CCDC175: variants seen among roughly 807,000 people sequenced by gnomAD.
The protein encoded by CCDC175 is coiled-coil domain containing 175, also known as coiled-coil domain-containing protein 175.
In CCDC175, 100 loss-of-function variants were observed where a neutral mutation model predicts 114.6. That is an observed-to-expected ratio of 0.87 (90% CI 0.74 to 1.03). CCDC175 has a LOEUF of 1.03. Ranked by LOEUF, CCDC175 falls within the 50% of genes least tolerant of loss-of-function variation. CCDC175 has a pLI of 0.00. For missense variants in CCDC175, 880 were observed against 917.8 expected (o/e 0.96, Z 0.53); for synonymous variants, 306 against 308.7 (o/e 0.99, Z 0.09).
At chr14:59,519,683 T>A (rs1206879826) in intron 17 of CCDC175, among the ~76,000 whole-genome samples, 1 of 152,254 alleles carries the variant, frequency 6.6e-6, no homozygotes, top group African/African-American at 2.4e-5. Flanking sequence ...GTATATTCCA[T>A]TCCACAAGTT....
intron 18 of CCDC175, 80 bp from the exon 19 acceptor site, chr14:59,510,888 C>CA (rs11305995): frequency 4.6e-4 from 535 of 1,170,084 alleles, no homozygotes; most frequent in African/African-American, 2.3e-3. Context: ...GGATCATGTC[C>CA]AAAAAAAAAT....
At chr14:59,512,818 G>A (rs1019046604) in intron 17 of CCDC175, among the ~76,000 whole-genome samples, 41 of 144,406 alleles carry the variant, frequency 2.8e-4, no homozygotes, top group African/African-American at 1.1e-3. Flanking sequence ...GTGTGTGTGT[G>A]TGTGTGTGTG....
At chr14:59,550,995 T>C (rs1357179381) in intron 8 of CCDC175, among the ~76,000 whole-genome samples, 1 of 152,186 alleles carries the variant, frequency 6.6e-6, no homozygotes, top group African/African-American at 2.4e-5. Flanking sequence ...TATTCTTAAG[T>C]GTAGAGCAGG....
chr14:59,542,736 C>T (rs1243330856), intron 10 of CCDC175, among the ~76,000 whole-genome samples: 1 of 151,926 alleles, frequency 6.6e-6, no homozygotes. Context: ...AAAGAATTCC[C>T]ATATATCCTT....
chr14:59,553,466 A>G (rs1045104603), intron 7 of CCDC175, among the ~76,000 whole-genome samples: 8 of 152,354 alleles, frequency 5.3e-5, no homozygotes, highest in African/African-American at 1.9e-4. Context: ...TGAAGGAAGC[A>G]CTAAACATGG....
intron 13 of CCDC175, among the ~76,000 whole-genome samples, chr14:59,532,135 G>A (rs929603427): frequency 4.6e-5 from 7 of 152,012 alleles, no homozygotes; most frequent in Non-Finnish European, 1.0e-4. Context: ...AGATTCAATT[G>A]GTTCTCTAAA....
intron 14 of CCDC175, among the ~76,000 whole-genome samples, chr14:59,528,507 T>G (rs538492386): frequency 1.3e-5 from 2 of 152,220 alleles, no homozygotes; most frequent in African/African-American, 4.8e-5. Flanking sequence ...TACTTCGTCA[T>G]ATATAGTAGA....
chr14:59,539,883 G>A (rs1595028152), intron 11 of CCDC175, among the ~76,000 whole-genome samples: 2 of 152,102 alleles, frequency 1.3e-5, no homozygotes, highest in African/African-American at 4.8e-5. Context: ...CTGGGCAATG[G>A]AGTGAGAGTC....
intron 17 of CCDC175, among the ~76,000 whole-genome samples, chr14:59,516,622 G>A (rs1270070260): frequency 3.9e-5 from 6 of 152,196 alleles, no homozygotes; most frequent in African/African-American, 1.2e-4. Context: ...AAACCAGGAA[G>A]AAGTTGAATC....
At position 59,510,652 on chromosome 14, in the gene CCDC175, G is replaced by A. The variant is rs1892686790; in HGVS notation, c.2299C>T (p.Leu767Phe). The A allele has an allele frequency of 6.5e-7, 1 of 1,536,934 alleles. No homozygotes were observed. Among genetic ancestry groups the A allele is most frequent in the Non-Finnish European group, 8.7e-7 (1 of 1,146,818 alleles). Residue 767 changes from leucine to phenylalanine, a missense_variant, in exon 19 of 20, where the codon CTT becomes TTT. By Grantham distance (22) the Leu-to-Phe change is conservative. Transcript: ENST00000537690. Reference sequence around the variant, plus strand: ...GCTCTAAGCTGTTGCTTACTAAGAAGGTCCATTGGTGATTCCTGTTCCACA... The same window carrying A: ...GCTCTAAGCTGTTGCTTACTAAGAAAGTCCATTGGTGATTCCTGTTCCACA... The part of the protein sequence containing the change: ...LLVEQESPMD[L>F]LKKKKHIRTR...
chr14:59,561,284 A>G (rs903007174), intron 6 of CCDC175, 56 bp from the exon 7 acceptor site: 1 of 904,180 alleles, frequency 1.1e-6, no homozygotes, highest in Non-Finnish European at 1.7e-6. Flanking sequence ...GATTCATAAC[A>G]GCAGTTCAAT....
At chr14:59,566,802 C>A (rs1236921904) in intron 4 of CCDC175, among the ~76,000 whole-genome samples, 1 of 152,162 alleles carries the variant, frequency 6.6e-6, no homozygotes, top group Non-Finnish European at 1.5e-5. Flanking sequence ...ATATTCATTT[C>A]TCTTTGAAAA....
chr14:59,551,198 G>A, intron 8 of CCDC175, 157 bp downstream of exon 8: 1 of 472,096 alleles, frequency 2.1e-6, no homozygotes, highest in Non-Finnish European at 3.7e-6. Flanking sequence ...AAAGTACTTT[G>A]GGAGGAGATA....
chr14:59,510,355 TAA>T, intron 19 of CCDC175: 1 of 277,306 alleles, frequency 3.6e-6, no homozygotes. Flanking sequence ...AAAAAATGTG[TAA>T]AAGAGTTTAA....
intron 13 of CCDC175, 103 bp downstream of exon 13, chr14:59,537,920 A>G: frequency 1.3e-6 from 1 of 751,342 alleles, no homozygotes; most frequent in East Asian, 3.3e-5. Context: ...TCATACTAGA[A>G]TATTTATTTT....
At position 59,511,800 on chromosome 14, in the gene CCDC175, T is replaced by C. The variant is rs1415181849; in HGVS notation, c.2102A>G (p.Gln701Arg). Residue 701 changes from glutamine to arginine, a missense_variant, in exon 18 of 20, where the codon CAA becomes CGA. Transcript: ENST00000537690. ...LSRQLIAQEA[Q>R]YKDLWAEFQT... ...AAATTCAGCCCACAAATCCTTATATTGTGCTAAAATAAAGATTTAAAAAAT... is the reference window on the plus strand; with the variant it reads ...AAATTCAGCCCACAAATCCTTATATCGTGCTAAAATAAAGATTTAAAAAAT... 3 of 1,533,370 alleles carry C rather than the reference T, an allele frequency of 2.0e-6. No individual in the cohort carries two copies. Among genetic ancestry groups the C allele is most frequent in the East Asian group, 4.9e-5 (2 of 40,888 alleles). 95.0% of individuals were successfully genotyped at this position (1,533,370 alleles called of 1,614,324 possible).
In CCDC175 at chr14:59,563,718, A is replaced by G; in HGVS notation, c.843+19T>C. ...GCCTAGATAAGGCTTAAAAATATAT[A>G]TAGTTTATTCTTTCTTACCGCTGCG... is the stretch of plus-strand genomic sequence containing the variant. On this transcript the variant is annotated intron_variant, in intron 6 of 19. Coordinates refer to ENST00000537690, the MANE Select transcript of CCDC175 (RefSeq NM_001164399.2). 2 of 1,350,498 alleles carry G rather than the reference A, an allele frequency of 1.5e-6. No homozygotes were observed. The highest frequency in any genetic ancestry group is 2.9e-5 in the East Asian group (1 of 34,436). The allele number at this position is 1,350,498 out of a possible 1,614,324, so 83.7% of individuals were successfully genotyped here. A position where few individuals can be genotyped will look rare whatever the true frequency, so the allele number is the denominator to read the frequency against.
intron 7 of CCDC175, among the ~76,000 whole-genome samples, chr14:59,557,736 A>G (rs1895998081): frequency 1.3e-5 from 2 of 152,082 alleles, no homozygotes. Flanking sequence ...TATATTTATC[A>G]AAATAAACAA....
chr14:59,556,656 C>T (rs1335242263), intron 7 of CCDC175, among the ~76,000 whole-genome samples: 1 of 152,136 alleles, frequency 6.6e-6, no homozygotes, highest in South Asian at 2.1e-4. Context: ...AAAGAAACTA[C>T]CATCAGAGTG....
Sources: gnomAD v4.1 joint callset for allele counts (sites outside exome capture counted in the v4.1 genomes callset) on GRCh38, gnomAD v4.1.1 for gene constraint, MANE v1.5 for transcripts, NCBI Gene and HGNC (gene_info 2026-07-23, HGNC 2026-07-21) for gene names.